ARID4B: variants seen among roughly 807,000 people sequenced by gnomAD.
The protein encoded by ARID4B is AT-rich interactive domain-containing protein 4B.
A neutral mutation model predicts 147.5 loss-of-function variants in ARID4B; 26 were observed. The observed-to-expected ratio is 0.18, with a 90% CI of 0.13 to 0.24. The LOEUF is 0.24. Ranked by LOEUF, ARID4B falls within the 10% of genes least tolerant of loss-of-function variation. The probability of loss-of-function intolerance (pLI) is 1.00; values close to 1 mark genes in which losing one functional copy is unlikely to be tolerated. For missense variants in ARID4B, 1,179 were observed against 1,511.5 expected (o/e 0.78, Z 3.65); for synonymous variants, 512 against 507.9 (o/e 1.01, Z -0.11).
Position 235,224,687 on chromosome 1 carries a change from A to C in ARID4B, c.970+16T>G. 1 of 1,525,254 alleles carries C rather than the reference A, an allele frequency of 6.6e-7. No individual in the cohort carries two copies. The highest frequency in any genetic ancestry group is 9.0e-7 in the Non-Finnish European group (1 of 1,107,414). The allele number at this position is 1,525,254 out of a possible 1,614,324, so 94.5% of individuals were successfully genotyped here. ...TCCAAAACTTACCACGTTAATGATAAATAAAAAATACTCACCTCTATCTTC... is the reference window on the plus strand; with the variant it reads ...TCCAAAACTTACCACGTTAATGATACATAAAAAATACTCACCTCTATCTTC... On this transcript the variant is annotated intron_variant, in intron 12 of 23. Transcript: ENST00000264183.
At chr1:235,327,082 G>A (rs1332936202) in intron 1 of ARID4B, 114 bp from the exon 2 acceptor site, 5 of 711,042 alleles carry the variant, frequency 7.0e-6, no homozygotes, top group African/African-American at 5.4e-5. Context: ...GCCGCAACCA[G>A]GCGCCAGCCC....
rs202017277 is a variant in ARID4B at position 235,220,440 on chromosome 1, T to C, written c.1269A>G (p.Val423=). ...TTTCCTCCTTAACTTTTATTTCTTT[T>C]ACATTTTCACACTCCTTACATTGCT... is the stretch of plus-strand genomic sequence containing the variant. ...VNKQCKECEN[V]KEIKVKEENE... The change falls in exon 15 of 24, where the codon GTA becomes GTG. Residue 423 remains valine, a synonymous_variant. Transcript: ENST00000264183. 7 of 1,612,938 alleles carry C rather than the reference T, an allele frequency of 4.3e-6. No individual in the cohort carries two copies. The highest frequency in any genetic ancestry group is 5.1e-6 in the Non-Finnish European group (6 of 1,179,196).
intron 2 of ARID4B, among the ~76,000 whole-genome samples, chr1:235,301,841 A>G (rs1673168602): frequency 6.6e-6 from 1 of 151,746 alleles, no homozygotes; most frequent in Admixed American, 6.6e-5. Flanking sequence ...CAGCCTCCCA[A>G]GTAACTGGGA....
At chr1:235,270,768 AG>A (rs1267293631) in intron 2 of ARID4B, among the ~76,000 whole-genome samples, 2 of 152,240 alleles carry the variant, frequency 1.3e-5, no homozygotes, top group South Asian at 2.1e-4. Flanking sequence ...TCATCTTGCT[AG>A]TGAGGTCACA....
At chr1:235,309,391 C>G (rs1673854512) in intron 2 of ARID4B, among the ~76,000 whole-genome samples, 1 of 151,584 alleles carries the variant, frequency 6.6e-6, no homozygotes, top group African/African-American at 2.4e-5. Flanking sequence ...AGGAGCGTCT[C>G]TGCCCGGCAG....
intron 2 of ARID4B, among the ~76,000 whole-genome samples, chr1:235,313,349 T>A (rs66702314): frequency 0.13 from 19,925 of 150,180 alleles, 1,522 homozygotes; most frequent in African/African-American, 0.2. Flanking sequence ...TTTTTTTTTT[T>A]ATTCTGAAAT....
At chr1:235,259,670 C>T (rs1029620804) in intron 3 of ARID4B, among the ~76,000 whole-genome samples, 11 of 152,164 alleles carry the variant, frequency 7.2e-5, no homozygotes, top group Non-Finnish European at 1.5e-4. Context: ...AGCCCCCTAC[C>T]AGTTTGTAGT....
chr1:235,297,714 CA>C (rs985400737), intron 2 of ARID4B, among the ~76,000 whole-genome samples: 4 of 149,588 alleles, frequency 2.7e-5, no homozygotes, highest in Non-Finnish European at 4.5e-5. Context: ...CAATGCTCAC[CA>C]AAAAAAAATA....
At chr1:235,238,153 A>AAAAAAAAAAAAGAAAAGAAAAG in intron 8 of ARID4B, among the ~76,000 whole-genome samples, 1 of 141,764 alleles carries the variant, frequency 7.1e-6, no homozygotes, top group South Asian at 2.1e-4. Flanking sequence ...CAAAAAAAAA[A>AAAAAAAAAAAAGAAAAGAAAAG]AAAAGAAAAG....
At chr1:235,320,633 C>T (rs1457949010) in intron 2 of ARID4B, among the ~76,000 whole-genome samples, 2 of 152,194 alleles carry the variant, frequency 1.3e-5, no homozygotes, top group East Asian at 1.9e-4. Flanking sequence ...TCAGATTTTA[C>T]TCAAGTCCTT....
chr1:235,320,096 C>T (rs1674716776), intron 2 of ARID4B, among the ~76,000 whole-genome samples: 1 of 150,500 alleles, frequency 6.6e-6, no homozygotes, highest in South Asian at 2.1e-4. Flanking sequence ...CATTGCACTC[C>T]AACCTGGGTA....
intron 2 of ARID4B, among the ~76,000 whole-genome samples, chr1:235,293,198 A>T (rs1044370508): frequency 6.6e-6 from 1 of 152,224 alleles, no homozygotes; most frequent in Non-Finnish European, 1.5e-5. Context: ...AAAGATCAAC[A>T]TCACACAAAC....
intron 2 of ARID4B, among the ~76,000 whole-genome samples, chr1:235,280,639 C>T (rs1299283979): frequency 6.6e-6 from 1 of 152,246 alleles, no homozygotes; most frequent in East Asian, 1.9e-4. Context: ...AGGCGAAGAA[C>T]AGCCAGGGGC....
At chr1:235,279,252 C>G (rs1209759368) in intron 2 of ARID4B, among the ~76,000 whole-genome samples, 1 of 152,112 alleles carries the variant, frequency 6.6e-6, no homozygotes, top group Non-Finnish European at 1.5e-5. Flanking sequence ...GGTTATTCCT[C>G]TAGGTCTTAA....
chr1:235,320,365 A>T (rs537800514), intron 2 of ARID4B, among the ~76,000 whole-genome samples: 9 of 152,152 alleles, frequency 5.9e-5, no homozygotes, highest in Admixed American at 2.6e-4. Context: ...CAGTAAGTAG[A>T]ATTTTCCCTT....
intron 7 of ARID4B, among the ~76,000 whole-genome samples, chr1:235,245,191 C>G (rs1186302549): frequency 6.6e-6 from 1 of 152,204 alleles, no homozygotes; most frequent in African/African-American, 2.4e-5. Flanking sequence ...AGGAAAACCA[C>G]TAACTTAGAA....
chr1:235,303,715 C>A (rs79475770), intron 2 of ARID4B, among the ~76,000 whole-genome samples: 2,008 of 152,030 alleles, frequency 0.013, 55 homozygotes, highest in Admixed American at 0.072. Context: ...CAGAACACAG[C>A]GAGACCCTGT....
intron 2 of ARID4B, among the ~76,000 whole-genome samples, chr1:235,319,020 G>A (rs1217264897): frequency 6.6e-6 from 1 of 152,154 alleles, no homozygotes; most frequent in African/African-American, 2.4e-5. Context: ...CTAGGGATAA[G>A]TAACGTGCCT....
At chr1:235,289,308 A>G (rs1672177328) in intron 2 of ARID4B, among the ~76,000 whole-genome samples, 1 of 152,228 alleles carries the variant, frequency 6.6e-6, no homozygotes, top group Non-Finnish European at 1.5e-5. Context: ...GCAAAAAAAT[A>G]CACAAAGCAA....
Sources: gnomAD v4.1 joint callset for allele counts (sites outside exome capture counted in the v4.1 genomes callset) on GRCh38, gnomAD v4.1.1 for gene constraint, MANE v1.5 for transcripts, NCBI Gene and HGNC (gene_info 2026-07-23, HGNC 2026-07-21) for gene names.